Variants in LYPD6 observed in about 807,000 individuals in gnomAD.
LYPD6 encodes the protein ly6/PLAUR domain-containing protein 6.
LYPD6 carries 15 observed loss-of-function variants against 22.7 expected under a neutral mutation model. That is an observed-to-expected ratio of 0.66 (90% CI 0.44 to 1.02). The LOEUF (loss-of-function observed/expected upper bound fraction) is 1.02. LYPD6 is among the 50% of genes least tolerant of loss of function. LYPD6 has a pLI of 0.00. For synonymous variants in LYPD6, 72 were observed against 77.5 expected, an observed-to-expected ratio of 0.93 and a Z score of 0.37; for missense variants, 189 against 208.4, an observed-to-expected ratio of 0.91 and a Z score of 0.57.
intron 1 of LYPD6, among the ~76,000 whole-genome samples, chr2:149,421,327 T>C (rs1683073688): frequency 6.7e-6 from 1 of 149,502 alleles, no homozygotes; most frequent in Non-Finnish European, 1.5e-5. Flanking sequence ...GAGACAGAAG[T>C]TGCAGTGAGC....
chr2:149,481,552 A>T, the LYPD6 span, among the ~76,000 whole-genome samples: 3 of 152,228 alleles, frequency 2.0e-5, no homozygotes. Flanking sequence ...AAAACAAAAC[A>T]AAACAAAAAA....
At chr2:149,389,794 C>T (rs1170117380) in intron 1 of LYPD6, among the ~76,000 whole-genome samples, 4 of 152,196 alleles carry the variant, frequency 2.6e-5, no homozygotes, top group African/African-American at 9.6e-5. Context: ...ACTCCCCCTG[C>T]TCCTGACTAC....
rs771199025 is a variant in LYPD6 at position 149,421,389 on chromosome 2, CAAA to C, written c.-71-16229_-71-16227del. Among the ~76,000 whole-genome samples the C allele has an allele frequency of 1.8e-4, 12 of 67,402 alleles. No individual in the cohort carries two copies. The South Asian group carries it at 2.6e-3, about 15-fold the overall frequency. 44.2% of individuals were successfully genotyped at this position (67,402 alleles called of 152,430 possible). On this transcript the variant is annotated intron_variant, in intron 1 of 4. Coordinates refer to ENST00000334166, the MANE Select transcript of LYPD6 (RefSeq NM_194317.5). ...TGGGTGACAGAGCAAGACTCCATCT[CAAA>C]AAAAAAAAAAAAAAAAAAAGTGTGT...
At chr2:149,462,077 A>C (rs914844808) in intron 3 of LYPD6, among the ~76,000 whole-genome samples, 1 of 152,164 alleles carries the variant, frequency 6.6e-6, no homozygotes, top group East Asian at 1.9e-4. Flanking sequence ...AATAAAAGAC[A>C]TACAGATTGG....
chr2:149,403,836 G>A (rs1189329600), intron 1 of LYPD6, among the ~76,000 whole-genome samples: 1 of 152,188 alleles, frequency 6.6e-6, no homozygotes, highest in East Asian at 1.9e-4. Flanking sequence ...GTAATGCCTA[G>A]GTTTTCTTCT....
At chr2:149,406,453 C>T (rs1225603651) in intron 1 of LYPD6, among the ~76,000 whole-genome samples, 8 of 151,668 alleles carry the variant, frequency 5.3e-5, no homozygotes, top group Admixed American at 5.2e-4. Flanking sequence ...ATAGTTAGCT[C>T]TTCTTGTTGA....
chr2:149,361,580 T>G (rs1270920049), intron 1 of LYPD6, among the ~76,000 whole-genome samples: 2 of 152,328 alleles, frequency 1.3e-5, no homozygotes, highest in Non-Finnish European at 1.5e-5. Flanking sequence ...ACAGAGCACT[T>G]TGTTTCTTCT....
intron 1 of LYPD6, among the ~76,000 whole-genome samples, chr2:149,413,540 C>T (rs1462113242): frequency 6.6e-6 from 1 of 152,180 alleles, no homozygotes; most frequent in East Asian, 1.9e-4. Flanking sequence ...TCCTTTCCAC[C>T]TCATTTCTGT....
rs1414560250 is a variant in LYPD6 at position 149,459,287 on chromosome 2, A to T, written c.218-9358A>T. The stretch of plus-strand genomic sequence containing the variant: ...AAAAGCTATCAATGCTGAATCTTAT[A>T]TTCAGAGAAAATATCCTTCAGGAAT... On this transcript the variant is annotated intron_variant, in intron 3 of 4. Transcript: ENST00000334166. Among the ~76,000 whole-genome samples, 7 of 152,360 alleles carry T rather than the reference A, an allele frequency of 4.6e-5. No homozygotes were observed. The East Asian group carries it at 1.2e-3, about 25-fold the overall frequency.
At chr2:149,385,708 T>C (rs1297918246) in intron 1 of LYPD6, among the ~76,000 whole-genome samples, 1 of 152,102 alleles carries the variant, frequency 6.6e-6, no homozygotes, top group Non-Finnish European at 1.5e-5. Context: ...ACAGAACAGC[T>C]ATGGCAAAGG....
At position 149,379,400 on chromosome 2, in the gene LYPD6, T is replaced by C. The variant is rs142477226; in HGVS notation, c.-72+48678T>C. Among the ~76,000 whole-genome samples, 843 of 152,310 alleles carry C rather than the reference T, an allele frequency of 5.5e-3. 6 individuals carry two copies. The highest frequency in any genetic ancestry group is 0.02 in the African/African-American group (814 of 41,554). ...TTTACAAACCACTTACCTTAAATGT[T>C]TACGCTTAAATTTTAAGAAAAAAAT... On this transcript the variant is annotated intron_variant, in intron 1 of 4. Coordinates refer to ENST00000334166, the MANE Select transcript of LYPD6 (RefSeq NM_194317.5).
upstream of LYPD6, chr2:149,330,294 C>T (rs542861729): frequency 6.6e-5 from 10 of 151,948 alleles, no homozygotes; most frequent in Non-Finnish European, 1.3e-4. Context: ...CAGTTCCGCT[C>T]ACCCTGCGGG....
At chr2:149,469,617 T>C (rs1025644296) in intron 4 of LYPD6, among the ~76,000 whole-genome samples, 1 of 152,132 alleles carries the variant, frequency 6.6e-6, no homozygotes, top group African/African-American at 2.4e-5. Context: ...ACACTAATAA[T>C]TAAAATTTTA....
chr2:149,409,677 A>C (rs934872931), intron 1 of LYPD6, among the ~76,000 whole-genome samples: 1 of 152,054 alleles, frequency 6.6e-6, no homozygotes, highest in African/African-American at 2.4e-5. Context: ...TTATATTCCC[A>C]GGGGGATTAT....
Position 149,339,195 on chromosome 2 carries a change from C to T in LYPD6, c.-72+8473C>T, listed in dbSNP as rs555064912. 3.3e-5 allele frequency among the ~76,000 whole-genome samples: 5 copies of T among 152,292 alleles called. No individual in the cohort carries two copies. In the East Asian group the frequency reaches 9.7e-4, roughly 29 times the overall value. On this transcript the variant is annotated intron_variant, in intron 1 of 4. Transcript: ENST00000334166. ...ACTCCAAGACTAACACAGACCAACC[C>T]AAAGACTACGTATAACCAGAAGGCC...
chr2:149,404,417 G>C (rs1024626765), intron 1 of LYPD6, among the ~76,000 whole-genome samples: 3 of 152,108 alleles, frequency 2.0e-5, no homozygotes, highest in Admixed American at 6.6e-5. Context: ...ATTGAGCGGT[G>C]GTTTGTAGTT....
intron 3 of LYPD6, among the ~76,000 whole-genome samples, chr2:149,462,348 C>CA (rs1442901798): frequency 6.6e-6 from 1 of 151,656 alleles, no homozygotes; most frequent in Non-Finnish European, 1.5e-5. Flanking sequence ...TAAATACTTC[C>CA]AGGTAAATCT....
intron 1 of LYPD6, among the ~76,000 whole-genome samples, chr2:149,426,616 G>C (rs1188971567): frequency 6.6e-6 from 1 of 152,210 alleles, no homozygotes; most frequent in Non-Finnish European, 1.5e-5. Flanking sequence ...ACTTGGAAGA[G>C]TGAGTACTCT....
At chr2:149,424,413 C>G (rs1022019297) in intron 1 of LYPD6, among the ~76,000 whole-genome samples, 1 of 152,160 alleles carries the variant, frequency 6.6e-6, no homozygotes, top group Non-Finnish European at 1.5e-5. Flanking sequence ...TAGAAGCTAT[C>G]GGTCTCATTT....
Sources: allele counts gnomAD v4.1 joint callset (sites outside exome capture counted in the v4.1 genomes callset), GRCh38; gene constraint gnomAD v4.1.1; transcripts MANE v1.5; gene names NCBI Gene and HGNC (gene_info 2026-07-23, HGNC 2026-07-21).